RASA2: variants seen among roughly 807,000 people sequenced by gnomAD.
RASA2 encodes ras GTPase-activating protein 2.
RASA2 carries 155 observed loss-of-function variants against 118.2 expected under a neutral mutation model. The ratio of observed to expected loss-of-function variants is 1.31; its 90% CI spans 1.15 to 1.50. The LOEUF is 1.50. RASA2 is among the 40% of genes most tolerant of loss of function. The probability of loss-of-function intolerance (pLI) is 0.00; values close to 1 mark genes in which losing one functional copy is unlikely to be tolerated. For missense variants in RASA2, 1,016 were observed against 1,009.6 expected (o/e 1.01, Z -0.09); for synonymous variants, 353 against 349.1 (o/e 1.01, Z -0.12).
chr3:141,512,115 G>T, intron 1 of RASA2, 48 bp from the exon 2 acceptor site: 3 of 1,270,960 alleles, frequency 2.4e-6, no homozygotes, highest in South Asian at 1.2e-5. Context: ...GGCTTAGTAT[G>T]AAGCAGTTGA....
chr3:141,610,932 T>A (rs541650770), intron 23 of RASA2, among the ~76,000 whole-genome samples: 1 of 152,292 alleles, frequency 6.6e-6, no homozygotes, highest in Non-Finnish European at 1.5e-5. Context: ...AAAATTAAGC[T>A]GTAAAAGTGC....
At chr3:141,565,131 C>G (rs2082799140) in intron 9 of RASA2, among the ~76,000 whole-genome samples, 1 of 151,984 alleles carries the variant, frequency 6.6e-6, no homozygotes, top group African/African-American at 2.4e-5. Flanking sequence ...GACTACAGGC[C>G]TGTGCCACCA....
At chr3:141,530,249 C>T (rs576295676) in intron 4 of RASA2, among the ~76,000 whole-genome samples, 6 of 152,234 alleles carry the variant, frequency 3.9e-5, no homozygotes, top group African/African-American at 1.4e-4. Flanking sequence ...CCACTGTGCA[C>T]AGCCTTCACT....
intron 1 of RASA2, among the ~76,000 whole-genome samples, chr3:141,503,707 G>C (rs927183673): frequency 6.6e-6 from 1 of 151,894 alleles, no homozygotes; most frequent in Non-Finnish European, 1.5e-5. Flanking sequence ...ATTTGTTGTC[G>C]ATCTCTCCAT....
rs745550168 is a variant in RASA2 at position 141,608,620 on chromosome 3, C to T, written c.2148C>T (p.Pro716=). The stretch of plus-strand genomic sequence containing the variant: ...AAAACAGGCTCAGTTTTTATCATCC[C>T]TCTGTGTATCTGAACGGAAATTGGC... ...CNQNRLSFYH[P]SVYLNGNWLC... The change falls in exon 21 of 24, where the codon CCC becomes CCT. Residue 716 remains proline (P), a synonymous_variant. Transcript: ENST00000286364. The T allele has an allele frequency of 7.4e-6, 12 of 1,613,874 alleles. No homozygotes were observed. Among genetic ancestry groups the T allele is most frequent in the Non-Finnish European group, 1.0e-5 (12 of 1,179,920 alleles).
chr3:141,561,708 T>C (rs1276338295), intron 9 of RASA2, among the ~76,000 whole-genome samples: 3 of 152,212 alleles, frequency 2.0e-5, no homozygotes, highest in Non-Finnish European at 4.4e-5. Context: ...GCAAATTCTT[T>C]CTAATGTTGA....
chr3:141,555,866 A>G lies in RASA2; in HGVS notation c.638A>G (p.Lys213Arg). The change falls in exon 7 of 24, where the codon AAG (lysine) becomes AGG (arginine). Residue 213 changes from lysine (K) to arginine (R), a missense_variant. Lys to Arg is a conservative substitution (Grantham distance 26). Coordinates refer to ENST00000286364, the MANE Select transcript of RASA2 (RefSeq NM_006506.5). ...SRNDQKKTKV[K>R]KKTSNPQFNE... ...AATGACCAAAAGAAGACAAAAGTAA[A>G]GAAGAAAACAAGCAATCCGCAGTTT... The G allele has an allele frequency of 6.2e-7, 1 of 1,612,854 alleles. No individual in the cohort carries two copies. Among genetic ancestry groups the G allele is most frequent in the Non-Finnish European group, 8.5e-7 (1 of 1,179,430 alleles).
At chr3:141,606,944 G>A (rs977324205) in intron 19 of RASA2, among the ~76,000 whole-genome samples, 1 of 152,100 alleles carries the variant, frequency 6.6e-6, no homozygotes, top group African/African-American at 2.4e-5. Flanking sequence ...TTTGCTTATA[G>A]TTTCTATGAC....
intron 11 of RASA2, among the ~76,000 whole-genome samples, chr3:141,571,971 A>G (rs2082927729): frequency 6.6e-6 from 1 of 150,668 alleles, no homozygotes; most frequent in Admixed American, 6.6e-5. Flanking sequence ...TTACACACAG[A>G]GACATACATA....
chr3:141,510,318 G>A (rs2081932526), intron 1 of RASA2, among the ~76,000 whole-genome samples: 1 of 152,124 alleles, frequency 6.6e-6, no homozygotes, highest in South Asian at 2.1e-4. Flanking sequence ...CTAGTGTACT[G>A]ATTTCAGCGC....
chr3:141,609,658 A>T, intron 22 of RASA2, 135 bp downstream of exon 22: 1 of 820,292 alleles, frequency 1.2e-6, no homozygotes, highest in Non-Finnish European at 1.8e-6. Context: ...TGACAAACCC[A>T]CAGAGAGGCA....
chr3:141,503,854 A>G (rs1324852519), intron 1 of RASA2, among the ~76,000 whole-genome samples: 1 of 152,208 alleles, frequency 6.6e-6, no homozygotes, highest in Admixed American at 6.5e-5. Flanking sequence ...TCTCTGTATT[A>G]ATACAATAAA....
intron 18 of RASA2, 58 bp downstream of exon 18, chr3:141,586,156 C>A (rs2083198629): frequency 6.9e-7 from 1 of 1,451,422 alleles, no homozygotes; most frequent in Non-Finnish European, 9.5e-7. Context: ...TAAGTAAGTA[C>A]AAAGAGCGTG....
intron 15 of RASA2, among the ~76,000 whole-genome samples, chr3:141,579,235 G>A (rs533529492): frequency 1.1e-4 from 17 of 152,154 alleles, no homozygotes; most frequent in East Asian, 3.9e-4. Context: ...ACTTGAATCC[G>A]TAAATAAAAA....
intron 3 of RASA2, among the ~76,000 whole-genome samples, chr3:141,527,840 A>G (rs2082205203): frequency 6.6e-6 from 1 of 151,956 alleles, no homozygotes; most frequent in African/African-American, 2.4e-5. Context: ...CTGTGTATTT[A>G]ATACTATAAG....
chr3:141,502,188 A>G (rs1453089852), intron 1 of RASA2, among the ~76,000 whole-genome samples: 4 of 152,146 alleles, frequency 2.6e-5, no homozygotes, highest in South Asian at 2.1e-4. Flanking sequence ...GGGATATTCG[A>G]TCTGTATTAG....
chr3:141,589,617 C>A (rs184503203), intron 19 of RASA2, among the ~76,000 whole-genome samples: 169 of 152,044 alleles, frequency 1.1e-3, no homozygotes, highest in African/African-American at 3.9e-3. Flanking sequence ...CTGAGGCAGG[C>A]GGATCATGAG....
At chr3:141,514,537 A>C (rs910713960) in intron 2 of RASA2, among the ~76,000 whole-genome samples, 1 of 152,214 alleles carries the variant, frequency 6.6e-6, no homozygotes, top group Non-Finnish European at 1.5e-5. Context: ...TAGAATAGCT[A>C]AAGTTAAAGG....
intron 19 of RASA2, among the ~76,000 whole-genome samples, chr3:141,605,311 A>T (rs994673622): frequency 1.2e-4 from 18 of 152,158 alleles, no homozygotes; most frequent in African/African-American, 4.1e-4. Flanking sequence ...GATGGTACTT[A>T]ACTATTCTAT....
Sources: allele counts gnomAD v4.1 joint callset (sites outside exome capture counted in the v4.1 genomes callset), GRCh38; gene constraint gnomAD v4.1.1; transcripts MANE v1.5; gene names NCBI Gene and HGNC (gene_info 2026-07-23, HGNC 2026-07-21).